The following HS3ST4 variants were observed in gnomAD, a reference collection of about 807,000 sequenced individuals.
HS3ST4 encodes heparan sulfate glucosamine 3-O-sulfotransferase 4.
In HS3ST4, 17 loss-of-function variants were observed where a neutral mutation model predicts 29.2. The ratio of observed to expected loss-of-function variants is 0.58; its 90% CI spans 0.40 to 0.87. The LOEUF (loss-of-function observed/expected upper bound fraction) is 0.87. HS3ST4 is among the 40% of genes least tolerant of loss of function. HS3ST4 has a pLI of 0.00. For missense variants in HS3ST4, 627 were observed against 634.5 expected (o/e 0.99, Z 0.13); for synonymous variants, 314 against 285.7 (o/e 1.10, Z -1.00).
intron 1 of HS3ST4, among the ~76,000 whole-genome samples, chr16:25,975,048 T>C (rs1396368861): frequency 6.6e-6 from 1 of 152,104 alleles, no homozygotes; most frequent in Non-Finnish European, 1.5e-5. Flanking sequence ...ACCATTTACA[T>C]CCAGTGATAC....
chr16:25,703,443 C>A (rs556130316), intron 1 of HS3ST4, among the ~76,000 whole-genome samples: 12 of 152,310 alleles, frequency 7.9e-5, no homozygotes, highest in African/African-American at 2.9e-4. Context: ...ATTACCCACG[C>A]CTTACAGGCG....
rs1017154590 is a variant in HS3ST4 at position 25,929,254 on chromosome 16, C to A, written c.735-206358C>A. 3.3e-5 allele frequency among the ~76,000 whole-genome samples: 5 copies of A among 152,062 alleles called. No homozygotes were observed. In the South Asian group the frequency reaches 6.2e-4, roughly 19 times the overall value. ...AAAATTAGCTGGGTGTGATGGTGCA[C>A]CCCTGTAGTCCCAGCCACTCAGGAG... On this transcript the variant is annotated intron_variant, in intron 1 of 1. Coordinates refer to ENST00000331351, the MANE Select transcript of HS3ST4 (RefSeq NM_006040.3).
intron 1 of HS3ST4, among the ~76,000 whole-genome samples, chr16:25,885,131 C>T (rs1967936966): frequency 1.3e-5 from 2 of 152,184 alleles, no homozygotes; most frequent in South Asian, 4.1e-4. Context: ...GAAGGTCTGG[C>T]TGGTTTGCTT....
intron 1 of HS3ST4, among the ~76,000 whole-genome samples, chr16:26,064,156 A>T (rs1248289135): frequency 6.6e-6 from 1 of 152,232 alleles, no homozygotes; most frequent in Non-Finnish European, 1.5e-5. Flanking sequence ...ACCCTCTTTA[A>T]GAAACCAGCC....
chr16:25,759,861 G>T (rs764634709), intron 1 of HS3ST4, among the ~76,000 whole-genome samples: 29 of 152,056 alleles, frequency 1.9e-4, no homozygotes, highest in Non-Finnish European at 3.5e-4. Context: ...CTACACTCCA[G>T]CCTGGGTGAC....
intron 1 of HS3ST4, among the ~76,000 whole-genome samples, chr16:25,819,718 G>C (rs1380382472): frequency 6.6e-6 from 1 of 152,088 alleles, no homozygotes; most frequent in Non-Finnish European, 1.5e-5. Context: ...TTGTCTGTCT[G>C]TTGGAGAATA....
intron 1 of HS3ST4, among the ~76,000 whole-genome samples, chr16:25,703,967 T>C (rs572214705): frequency 1.1e-4 from 17 of 152,324 alleles, no homozygotes; most frequent in African/African-American, 3.8e-4. Context: ...TTATCCTCAT[T>C]ACTTATCTCC....
chr16:26,131,375 A>G (rs996245709), intron 1 of HS3ST4, among the ~76,000 whole-genome samples: 2 of 152,206 alleles, frequency 1.3e-5, no homozygotes, highest in South Asian at 2.1e-4. Context: ...TACCTTTTCC[A>G]TGGCCCATAA....
intron 1 of HS3ST4, among the ~76,000 whole-genome samples, chr16:25,782,964 A>G (rs1966854014): frequency 6.6e-6 from 1 of 152,116 alleles, no homozygotes; most frequent in Non-Finnish European, 1.5e-5. Flanking sequence ...TCTCTTGTCA[A>G]AGGCTTTCAT....
At chr16:26,120,988 C>G (rs755618286) in intron 1 of HS3ST4, among the ~76,000 whole-genome samples, 2 of 152,208 alleles carry the variant, frequency 1.3e-5, no homozygotes, top group Admixed American at 1.3e-4. Context: ...TTTCAGGCAC[C>G]CTGCTAAGTG....
intron 1 of HS3ST4, among the ~76,000 whole-genome samples, chr16:26,084,049 T>G (rs1210340145): frequency 3.9e-5 from 6 of 152,186 alleles, no homozygotes; most frequent in Non-Finnish European, 4.4e-5. Context: ...CGTGGTGAGA[T>G]GGAAGATTTC....
At chr16:25,988,034 G>A (rs1279476517) in intron 1 of HS3ST4, among the ~76,000 whole-genome samples, 1 of 152,170 alleles carries the variant, frequency 6.6e-6, no homozygotes, top group African/African-American at 2.4e-5. Context: ...CTCCCAAAGT[G>A]CTGGGATTAC....
chr16:25,997,751 C>A (rs1445195358), intron 1 of HS3ST4, among the ~76,000 whole-genome samples: 1 of 152,136 alleles, frequency 6.6e-6, no homozygotes, highest in African/African-American at 2.4e-5. Flanking sequence ...GTGATTGGAC[C>A]TTCCTGGATC....
At chr16:25,883,140 A>C in intron 1 of HS3ST4, among the ~76,000 whole-genome samples, 1 of 95,570 alleles carries the variant, frequency 1.0e-5, no homozygotes, top group Admixed American at 1.3e-4. Flanking sequence ...TCTCTGGCCC[A>C]TACGATTTTT....
In HS3ST4 at chr16:25,972,403, C is replaced by A. The variant is rs917348159; in HGVS notation, c.735-163209C>A. On this transcript the variant is annotated intron_variant, in intron 1 of 1. Coordinates refer to ENST00000331351, the MANE Select transcript of HS3ST4 (RefSeq NM_006040.3). ...CTTAAGGCTGCATTCAAGGTGCTAA[C>A]CAGTGCAGTTATTTTAGAGCTTGAA... 2.6e-5 allele frequency among the ~76,000 whole-genome samples: 4 copies of A among 152,298 alleles called. No homozygotes were observed. In the East Asian group the frequency reaches 7.7e-4, roughly 29 times the overall value.
chr16:26,008,750 C>T (rs1365531624), intron 1 of HS3ST4, among the ~76,000 whole-genome samples: 2 of 152,122 alleles, frequency 1.3e-5, no homozygotes, highest in African/African-American at 2.4e-5. Context: ...ACCCAGGAGG[C>T]GGAGGCTGCA....
At chr16:25,766,489 G>C (rs1301840811) in intron 1 of HS3ST4, among the ~76,000 whole-genome samples, 1 of 152,142 alleles carries the variant, frequency 6.6e-6, no homozygotes, top group African/African-American at 2.4e-5. Context: ...GTGTTAGGTG[G>C]TGACAGTTCT....
At position 26,136,201 on chromosome 16, in the gene HS3ST4, A is replaced by G; in HGVS notation, c.1324A>G (p.Met442Val). 2 of 1,613,410 alleles carry G rather than the reference A, an allele frequency of 1.2e-6. No individual in the cohort carries two copies. The highest frequency in any genetic ancestry group is 1.7e-6 in the Non-Finnish European group (2 of 1,179,724). The change falls in exon 2 of 2, where the codon ATG becomes GTG. Residue 442 changes from methionine (M) to valine (V), a missense_variant. Met to Val is a conservative substitution (Grantham distance 21). This residue lies in a region of HS3ST4 where 225 missense variants were observed against 293.7 expected (regional missense o/e 0.77). Transcript: ENST00000331351. ...ACCCTTCAACTTGATGTTTTACCAA[A>G]TGACTGGTCAAGATTTTCAGTGGGA... ...YKPFNLMFYQ[M>V]TGQDFQWEQE...
chr16:26,024,228 G>GA (rs58068324), intron 1 of HS3ST4, among the ~76,000 whole-genome samples: 52,736 of 126,964 alleles, frequency 0.42, 9,880 homozygotes, highest in East Asian at 0.49. Flanking sequence ...GTCTCAAAAG[G>GA]AAAAAAAAAA....
Sources: allele counts gnomAD v4.1 joint callset (sites outside exome capture counted in the v4.1 genomes callset), GRCh38; gene constraint gnomAD v4.1.1; regional missense constraint gnomAD v4.1.1; transcripts MANE v1.5; gene names NCBI Gene and HGNC (gene_info 2026-07-23, HGNC 2026-07-21).